Variants in HMBOX1 observed in about 807,000 individuals in gnomAD.
The protein encoded by HMBOX1 is homeobox containing 1.
Under a neutral mutation model 54.5 loss-of-function variants are expected in HMBOX1, and 14 were observed. The ratio of observed to expected loss-of-function variants is 0.26; its 90% CI spans 0.17 to 0.40. The LOEUF (loss-of-function observed/expected upper bound fraction) is 0.40, where lower values mean the gene tolerates loss of function less well. Ranked by LOEUF, HMBOX1 falls within the 10% of genes least tolerant of loss-of-function variation. The pLI is 1.00. For synonymous variants in HMBOX1, 160 were observed against 181.0 expected (o/e 0.88, Z 0.93); for missense variants, 332 against 514.4 (o/e 0.65, Z 3.43).
At chr8:28,908,081 G>C (rs1445180907) in intron 1 of HMBOX1, among the ~76,000 whole-genome samples, 1 of 151,990 alleles carries the variant, frequency 6.6e-6, no homozygotes, top group Non-Finnish European at 1.5e-5. Context: ...TCAAACTCCT[G>C]GCCTCAAGTG....
chr8:28,983,178 T>A (rs1829675310), intron 4 of HMBOX1, among the ~76,000 whole-genome samples: 1 of 152,258 alleles, frequency 6.6e-6, no homozygotes, highest in African/African-American at 2.4e-5. Context: ...TTCTTCCTCC[T>A]CTTCATTTCT....
At chr8:28,944,256 C>T (rs1168041139) in intron 1 of HMBOX1, among the ~76,000 whole-genome samples, 1 of 152,160 alleles carries the variant, frequency 6.6e-6, no homozygotes, top group African/African-American at 2.4e-5. Context: ...ATCACCATAT[C>T]CTATGAATCC....
intron 1 of HMBOX1, among the ~76,000 whole-genome samples, chr8:28,905,347 A>G (rs978180951): frequency 6.6e-6 from 1 of 152,132 alleles, no homozygotes; most frequent in Non-Finnish European, 1.5e-5. Flanking sequence ...ATGCGCACAC[A>G]CACGCACGCA....
intron 1 of HMBOX1, among the ~76,000 whole-genome samples, chr8:28,940,199 G>T (rs1037610424): frequency 2.6e-5 from 4 of 152,066 alleles, no homozygotes; most frequent in Non-Finnish European, 5.9e-5. Context: ...TAGAAACGGG[G>T]TTTCCCCATG....
At chr8:28,930,832 C>T (rs773596216) in intron 1 of HMBOX1, among the ~76,000 whole-genome samples, 5 of 152,052 alleles carry the variant, frequency 3.3e-5, no homozygotes, top group African/African-American at 4.8e-5. Context: ...GTTATTTAGC[C>T]TGTGCATCCT....
At chr8:28,900,886 T>C (rs1358013706) in intron 1 of HMBOX1, among the ~76,000 whole-genome samples, 1 of 152,196 alleles carries the variant, frequency 6.6e-6, no homozygotes, top group Admixed American at 6.5e-5. Context: ...TTAAGGTCTG[T>C]CATTCTTTTT....
intron 6 of HMBOX1, among the ~76,000 whole-genome samples, chr8:29,027,596 C>A (rs540966053): frequency 1.6e-4 from 25 of 152,304 alleles, no homozygotes; most frequent in Non-Finnish European, 2.8e-4. Context: ...GCCTCCAAAT[C>A]TCCTTATAGG....
chr8:28,893,180 A>C (rs1027678990), intron 1 of HMBOX1, among the ~76,000 whole-genome samples: 1 of 152,126 alleles, frequency 6.6e-6, no homozygotes, highest in Non-Finnish European at 1.5e-5. Context: ...ATGTAAACCA[A>C]ATATATTCCC....
At chr8:28,979,936 A>G (rs1829067982) in intron 3 of HMBOX1, 135 bp from the exon 4 acceptor site, 1 of 646,236 alleles carries the variant, frequency 1.5e-6, no homozygotes, top group Non-Finnish European at 2.8e-6. Flanking sequence ...TTTTCACACA[A>G]GTTTGGTCTG....
At chr8:29,026,433 T>C (rs1802050182) in intron 6 of HMBOX1, among the ~76,000 whole-genome samples, 1 of 152,072 alleles carries the variant, frequency 6.6e-6, no homozygotes, top group Admixed American at 6.6e-5. Flanking sequence ...ATTTGTAAAA[T>C]CAGTTGTGGA....
intron 4 of HMBOX1, among the ~76,000 whole-genome samples, chr8:28,982,165 G>C (rs1485813400): frequency 6.6e-6 from 1 of 152,142 alleles, no homozygotes; most frequent in African/African-American, 2.4e-5. Context: ...CCTGGGAAGC[G>C]GAGCTTGCAG....
intron 4 of HMBOX1, among the ~76,000 whole-genome samples, chr8:28,993,895 A>AT (rs1488338009): frequency 6.6e-6 from 1 of 152,164 alleles, no homozygotes; most frequent in African/African-American, 2.4e-5. Flanking sequence ...AAGGCCAGGC[A>AT]TGGTGGCTCA....
intron 1 of HMBOX1, among the ~76,000 whole-genome samples, chr8:28,950,904 TAATC>T (rs1823288657): frequency 6.6e-6 from 1 of 152,222 alleles, no homozygotes; most frequent in Admixed American, 6.5e-5. Flanking sequence ...TGTTTTAAAG[TAATC>T]AAGACCTATA....
chr8:28,904,430 A>C (rs1339660280), intron 1 of HMBOX1, among the ~76,000 whole-genome samples: 1 of 151,848 alleles, frequency 6.6e-6, no homozygotes, highest in Non-Finnish European at 1.5e-5. Flanking sequence ...ACGAGGTTTC[A>C]CCATGTTGGC....
chr8:28,951,468 A>G (rs1471407438), intron 1 of HMBOX1, among the ~76,000 whole-genome samples: 2 of 152,194 alleles, frequency 1.3e-5, no homozygotes, highest in East Asian at 3.9e-4. Flanking sequence ...ATAATAGACA[A>G]ATAAAATCAA....
intron 1 of HMBOX1, among the ~76,000 whole-genome samples, chr8:28,961,339 A>C (rs965062126): frequency 2.6e-5 from 4 of 151,690 alleles, no homozygotes; most frequent in African/African-American, 9.7e-5. Context: ...ACAGATTGAA[A>C]CTCTGTACCC....
chr8:28,979,389 T>C (rs1444041303), intron 3 of HMBOX1, among the ~76,000 whole-genome samples: 1 of 152,234 alleles, frequency 6.6e-6, no homozygotes, highest in Non-Finnish European at 1.5e-5. Flanking sequence ...GTCTATAATG[T>C]ATTCCCATGA....
At chr8:28,920,241 C>T (rs775712879) in intron 1 of HMBOX1, among the ~76,000 whole-genome samples, 2 of 152,128 alleles carry the variant, frequency 1.3e-5, no homozygotes, top group Non-Finnish European at 2.9e-5. Context: ...ATTCGTTAAC[C>T]TGTTTTTATT....
At chr8:28,973,811 T>TGTTTTTTTTTTTTG (rs1827872900) in intron 3 of HMBOX1, among the ~76,000 whole-genome samples, 2 of 21,838 alleles carry the variant, frequency 9.2e-5, no homozygotes, top group South Asian at 1.0e-3. Flanking sequence ...GAGTTTTTTT[T>TGTTTTTTTTTTTTG]TTTTTTTTTT....
Sources: allele counts gnomAD v4.1 joint callset (sites outside exome capture counted in the v4.1 genomes callset), GRCh38; gene constraint gnomAD v4.1.1; transcripts MANE v1.5; gene names NCBI Gene and HGNC (gene_info 2026-07-23, HGNC 2026-07-21).